Variants in TSHZ3 observed in about 807,000 individuals in gnomAD.
TSHZ3 encodes teashirt zinc finger homeobox 3.
Under a neutral mutation model 64.5 loss-of-function variants are expected in TSHZ3, and 10 were observed. The observed-to-expected ratio is 0.16, with a 90% CI of 0.10 to 0.26. The LOEUF (loss-of-function observed/expected upper bound fraction) is 0.26. TSHZ3 is among the 10% of genes least tolerant of loss of function. The pLI is 1.00. For synonymous variants in TSHZ3, 608 were observed against 593.1 expected (o/e 1.03, Z -0.36); for missense variants, 1,242 against 1,421.7 (o/e 0.87, Z 2.03).
intron 5 of TSHZ3, among the ~76,000 whole-genome samples, chr19:31,161,861 T>C (rs4804949): frequency 0.28 from 42,850 of 152,228 alleles, 6,059 homozygotes; most frequent in Admixed American, 0.37. Flanking sequence ...AATCGTGGGC[T>C]ATATGTAAAT....
chr19:31,215,951 A>C (rs1975321851), intron 4 of TSHZ3, among the ~76,000 whole-genome samples: 1 of 151,332 alleles, frequency 6.6e-6, no homozygotes. Context: ...AACTATTAAA[A>C]ATTAAATTAA....
intron 1 of TSHZ3, among the ~76,000 whole-genome samples, chr19:31,245,126 A>G (rs57938181): frequency 0.018 from 2,742 of 152,180 alleles, 82 homozygotes; most frequent in African/African-American, 0.063. Context: ...TTATTATAAT[A>G]TTCTATATTT....
At position 31,279,885 on chromosome 19, in the gene TSHZ3, A is replaced by G. The variant is rs1043094808; in HGVS notation, c.41-133T>C. ...AGAATATGTTCTGGGCTCTCAGGAAAACACAGCAACCCAGATGGGTACATG... is the reference window on the plus strand; with the variant it reads ...AGAATATGTTCTGGGCTCTCAGGAAGACACAGCAACCCAGATGGGTACATG... On this transcript the variant is annotated intron_variant, in intron 1 of 1. Transcript: ENST00000240587. This position sits in a 1 kb window ranked among gnomAD's most constrained non-coding sequence, Gnocchi z 6.4. 7 of 694,130 alleles carry G rather than the reference A, an allele frequency of 1.0e-5. No homozygotes were observed. In the African/African-American group the frequency reaches 1.3e-4, roughly 13 times the overall value. 43.0% of individuals were successfully genotyped at this position (694,130 alleles called of 1,614,324 possible).
intron 5 of TSHZ3, among the ~76,000 whole-genome samples, chr19:31,170,219 G>A (rs1048694489): frequency 1.3e-5 from 2 of 152,118 alleles, no homozygotes; most frequent in Non-Finnish European, 2.9e-5. Flanking sequence ...GCATGATCAG[G>A]TTCGGGTGAG....
chr19:31,214,856 G>C (rs1330599282), intron 4 of TSHZ3, among the ~76,000 whole-genome samples: 1 of 150,282 alleles, frequency 6.7e-6, no homozygotes, highest in South Asian at 2.1e-4. Flanking sequence ...TGCAGTGAGC[G>C]GAGATCCGGT....
At chr19:31,273,065 G>A (rs1460199021), downstream of TSHZ3, among the ~76,000 whole-genome samples, 1 of 152,154 alleles carries the variant, frequency 6.6e-6, no homozygotes, top group East Asian at 1.9e-4. Context: ...TTCTGGGCTG[G>A]GGTGAAAGGT....
At chr19:31,245,843 G>T (rs1037184416) in intron 1 of TSHZ3, among the ~76,000 whole-genome samples, 11 of 152,150 alleles carry the variant, frequency 7.2e-5, no homozygotes, top group African/African-American at 2.2e-4. Context: ...GTGGCCCCCA[G>T]TGCAGCCACA....
At chr19:31,159,046 C>T (rs1974339191) in intron 5 of TSHZ3, among the ~76,000 whole-genome samples, 1 of 152,182 alleles carries the variant, frequency 6.6e-6, no homozygotes, top group Non-Finnish European at 1.5e-5. Context: ...GTCACCCATG[C>T]TGGTGTGCAG....
intron 5 of TSHZ3, among the ~76,000 whole-genome samples, chr19:31,174,992 A>G (rs1974587714): frequency 6.6e-6 from 1 of 152,238 alleles, no homozygotes; most frequent in Non-Finnish European, 1.5e-5. Context: ...CTTGGGTCCC[A>G]CACAGCAAAT....
chr19:31,258,606 A>G (rs1224270215), intron 1 of TSHZ3, among the ~76,000 whole-genome samples: 1 of 152,210 alleles, frequency 6.6e-6, no homozygotes, highest in Non-Finnish European at 1.5e-5. Context: ...CAGCTCTCCA[A>G]GGACAGGGAT....
intron 5 of TSHZ3, among the ~76,000 whole-genome samples, chr19:31,175,055 G>A (rs1430338803): frequency 2.0e-5 from 3 of 152,194 alleles, no homozygotes; most frequent in Non-Finnish European, 4.4e-5. Context: ...AAAGTGAGGA[G>A]TGGAAATGAG....
rs188094489 is a variant in TSHZ3, at chr19:31,200,594, C to T, written n.809+4362G>A. On this transcript the variant is annotated intron_variant and non_coding_transcript_variant, in intron 5 of 6. Coordinates refer to the TSHZ3 transcript ENST00000651361. Reference sequence around the variant, plus strand: ...AATGGAGGGGAGGCAGGCGAACAGACGAAGCACAAAGGATATTTAGGGGAG... The same window carrying T: ...AATGGAGGGGAGGCAGGCGAACAGATGAAGCACAAAGGATATTTAGGGGAG... Among the ~76,000 whole-genome samples the T allele has an allele frequency of 7.2e-4, 110 of 152,152 alleles. No homozygotes were observed. The East Asian group carries it at 0.015, about 20-fold the overall frequency.
At chr19:31,173,334 C>T (rs1974563299) in intron 5 of TSHZ3, among the ~76,000 whole-genome samples, 2 of 152,150 alleles carry the variant, frequency 1.3e-5, no homozygotes, top group African/African-American at 4.8e-5. Flanking sequence ...AGTTTGTAAA[C>T]AAGGAATCCC....
intron 1 of TSHZ3, among the ~76,000 whole-genome samples, chr19:31,345,440 CTCTT>C (rs1428588549): frequency 1.3e-5 from 2 of 152,302 alleles, no homozygotes; most frequent in Non-Finnish European, 2.9e-5. Context: ...GGTGGGCCAC[CTCTT>C]AGGCATGCCC....
intron 5 of TSHZ3, among the ~76,000 whole-genome samples, chr19:31,192,987 A>G (rs530953867): frequency 1.1e-4 from 17 of 152,290 alleles, no homozygotes; most frequent in Admixed American, 2.6e-4. Flanking sequence ...CAATCTTCCA[A>G]TGATGCAATA....
At chr19:31,230,629 C>G (rs1975526274) in intron 3 of TSHZ3, among the ~76,000 whole-genome samples, 1 of 151,578 alleles carries the variant, frequency 6.6e-6, no homozygotes, top group Admixed American at 6.6e-5. Context: ...GAAGACAACC[C>G]ACCTCTCAGG....
rs545202211 is a variant in TSHZ3, at chr19:31,234,980, C to G, written n.551-6840G>C. 1.2e-3 allele frequency among the ~76,000 whole-genome samples: 181 copies of G among 152,288 alleles called. 1 individual carries two copies. The highest frequency in any genetic ancestry group is 4.2e-3 in the African/African-American group (175 of 41,566). ...ATAGCATTCATTGGTGAACTCATCA[C>G]AACACCGAATTTCTTGTATGGGAAG... On this transcript the variant is annotated intron_variant and non_coding_transcript_variant, in intron 3 of 6. Coordinates refer to the TSHZ3 transcript ENST00000651361.
At chr19:31,215,227 T>C (rs1426160427) in intron 4 of TSHZ3, among the ~76,000 whole-genome samples, 1 of 152,126 alleles carries the variant, frequency 6.6e-6, no homozygotes, top group East Asian at 1.9e-4. Context: ...ATAAATTTAC[T>C]CAAAAAGGAA....
At chr19:31,310,222 A>G (rs569665349) in intron 1 of TSHZ3, among the ~76,000 whole-genome samples, 113 of 152,164 alleles carry the variant, frequency 7.4e-4, no homozygotes, top group Middle Eastern at 3.4e-3. Flanking sequence ...GTCCCAGGTA[A>G]TGAGCCTCTT....
Sources: gnomAD v4.1 joint callset for allele counts (sites outside exome capture counted in the v4.1 genomes callset) on GRCh38, gnomAD v4.1.1 for gene constraint, Gnocchi (gnomAD v3.1) non-coding constraint, MANE v1.5 for transcripts, NCBI Gene and HGNC (gene_info 2026-07-23, HGNC 2026-07-21) for gene names.